Variants in DDX54 observed in about 807,000 individuals in gnomAD.
DDX54 encodes ATP-dependent RNA helicase DDX54.
In DDX54, 67 loss-of-function variants were observed where a neutral mutation model predicts 105.5. The ratio of observed to expected loss-of-function variants is 0.64; its 90% CI spans 0.52 to 0.78. DDX54 has a LOEUF of 0.78. DDX54 is among the 30% of genes least tolerant of loss of function. The pLI is 0.00. For synonymous variants in DDX54, 514 were observed against 509.9 expected (o/e 1.01, Z -0.11); for missense variants, 1,206 against 1,230.5 (o/e 0.98, Z 0.30).
intron 7 of DDX54, among the ~76,000 whole-genome samples, chr12:113,175,469 C>A (rs1465134003): frequency 2.0e-5 from 3 of 152,064 alleles, no homozygotes; most frequent in Non-Finnish European, 4.4e-5. Context: ...ACACCCTAGG[C>A]GAGATCCCAT....
rs775646379 is a variant in DDX54, at chr12:113,169,755, C to G, written c.1414+15G>C. The G allele has an allele frequency of 3.7e-5, 59 of 1,612,638 alleles. No individual in the cohort carries two copies. In the East Asian group the frequency reaches 4.0e-4, roughly 11 times the overall value. ...ACTCCACGGGGACCCCTATCCCCAC[C>G]CAGCCTCCACTCACCTGAGGGCTCC... On this transcript the variant is annotated intron_variant, in intron 12 of 19. Transcript: ENST00000306014.
intron 19 of DDX54, among the ~76,000 whole-genome samples, chr12:113,159,794 A>T (rs1952182464): frequency 6.6e-6 from 1 of 152,064 alleles, no homozygotes; most frequent in African/African-American, 2.4e-5. Flanking sequence ...GGCATCAGGT[A>T]GTCCATTCTT....
At position 113,163,450 on chromosome 12, in the gene DDX54, T is replaced by C. The variant is rs1485365230; in HGVS notation, c.1939-176A>G. Among the ~76,000 whole-genome samples, 1 of 152,118 alleles carries C rather than the reference T, an allele frequency of 6.6e-6. No homozygotes were observed. The highest frequency in any genetic ancestry group is 2.4e-5 in the African/African-American group (1 of 41,432). The stretch of plus-strand genomic sequence containing the variant: ...ACAGTGTCTCCTGTGGGACCCTCAG[T>C]TTCCTCATCTGCACACACAGTGCAA... On this transcript the variant is annotated intron_variant, in intron 15 of 19. Coordinates refer to ENST00000306014, the MANE Select transcript of DDX54 (RefSeq NM_024072.4). The surrounding 1 kb of genome is among the most constrained non-coding windows in gnomAD (Gnocchi z 5.9).
At chr12:113,178,586 A>C in intron 5 of DDX54, 1 of 162,952 alleles carries the variant, frequency 6.1e-6, no homozygotes, top group Non-Finnish European at 1.3e-5. Flanking sequence ...GCTGTCGCCC[A>C]TGTTGGAGTG....
Position 113,164,294 on chromosome 12 carries a change from G to A in DDX54, c.1720-9C>T, listed in dbSNP as rs373252064. The stretch of plus-strand genomic sequence containing the variant: ...TTGATCTCAAAGATAGTCTGTGGAG[G>A]GGACACCCAGTCCTTTGCCCACTGG... On this transcript the variant is annotated splice_polypyrimidine_tract_variant and intron_variant, in intron 14 of 19. Coordinates refer to ENST00000306014, the MANE Select transcript of DDX54 (RefSeq NM_024072.4). 88 of 1,577,604 alleles carry A rather than the reference G, an allele frequency of 5.6e-5. No homozygotes were observed. The highest frequency in any genetic ancestry group is 1.7e-4 in the Middle Eastern group (1 of 5,880).
In DDX54 at chr12:113,157,612, T is replaced by A; in HGVS notation, c.*1265A>T. On this transcript the variant is annotated 3_prime_UTR_variant, in exon 20 of 20. Transcript: ENST00000306014. ...GCTGGGCCCCCCCAGGTGAAGCTGTTCATGCAGGACCTCTCTGCCATGCTG... is the reference window on the plus strand; with the variant it reads ...GCTGGGCCCCCCCAGGTGAAGCTGTACATGCAGGACCTCTCTGCCATGCTG... 1.3e-6 allele frequency: 2 copies of A among 1,551,696 alleles called. No individual in the cohort carries two copies. The highest frequency in any genetic ancestry group is 1.7e-6 in the Non-Finnish European group (2 of 1,146,984).
At position 113,158,817 on chromosome 12, in the gene DDX54, A is replaced by G; in HGVS notation, c.*60T>C. ...GGCCAGGCACACAGTGGTGCACGGG[A>G]ACGTCTGCTGATGCCCACCCTAAGG... is the stretch of plus-strand genomic sequence containing the variant. On this transcript the variant is annotated 3_prime_UTR_variant, in exon 20 of 20. Transcript: ENST00000306014. The surrounding 1 kb of genome is among the most constrained non-coding windows in gnomAD (Gnocchi z 4.9). 1 of 1,511,364 alleles carries G rather than the reference A, an allele frequency of 6.6e-7. No homozygotes were observed. The highest frequency in any genetic ancestry group is 1.3e-5 in the South Asian group (1 of 76,288). 93.6% of individuals were successfully genotyped at this position (1,511,364 alleles called of 1,614,324 possible).
Position 113,157,689 on chromosome 12 carries a change from A to G in DDX54, c.*1188T>C. 6.4e-7 allele frequency: 1 copy of G among 1,550,796 alleles called. No individual in the cohort carries two copies. The highest frequency in any genetic ancestry group is 1.2e-5 in the South Asian group (1 of 84,060). On this transcript the variant is annotated 3_prime_UTR_variant, in exon 20 of 20. Coordinates refer to ENST00000306014, the MANE Select transcript of DDX54 (RefSeq NM_024072.4). ...AGCCCCTGCCTCCTAGCCCTGACAC[A>G]GGTGAGCAGCGGGAGAGGGAACCCC...
Position 113,179,325 on chromosome 12 carries a change from G to C in DDX54, c.382C>G (p.Pro128Ala). 1 of 1,612,804 alleles carries C rather than the reference G, an allele frequency of 6.2e-7. No individual in the cohort carries two copies. Among genetic ancestry groups the C allele is most frequent in the Non-Finnish European group, 8.5e-7 (1 of 1,179,984 alleles). ...ACGTCCTTGCCATCCAAGATCACCG[G>C]GATGGTCTGGAGAGGCACAAGCAGG... is the stretch of plus-strand genomic sequence containing the variant. ...VPTPIQRKTIPVILDGKDVVA... is the reference protein window; with the variant it reads ...VPTPIQRKTIAVILDGKDVVA... The change falls in exon 4 of 20, where the codon CCG becomes GCG. Residue 128 changes from proline (P) to alanine (A), a missense_variant. By Grantham distance (27) the Pro-to-Ala change is conservative (BLOSUM62 -1). Coordinates refer to ENST00000306014, the MANE Select transcript of DDX54 (RefSeq NM_024072.4).
intron 7 of DDX54, among the ~76,000 whole-genome samples, chr12:113,176,504 T>C (rs1347417792): frequency 6.6e-6 from 1 of 151,780 alleles, no homozygotes; most frequent in African/African-American, 2.4e-5. Flanking sequence ...AAGGCGGAGG[T>C]TGAAATGAGC....
chr12:113,158,851 G>A lies in DDX54; in HGVS notation c.*26C>T, dbSNP rs759532674. 11 of 1,566,248 alleles carry A rather than the reference G, an allele frequency of 7.0e-6. No individual in the cohort carries two copies. The highest frequency in any genetic ancestry group is 8.7e-7 in the Non-Finnish European group (1 of 1,150,666). Reference sequence around the variant, plus strand: ...TGATGCCCACCCTAAGGCCAATCAAGGAGCCACGGGGCTGGGTCCTGGTCC... The same window carrying A: ...TGATGCCCACCCTAAGGCCAATCAAAGAGCCACGGGGCTGGGTCCTGGTCC... On this transcript the variant is annotated 3_prime_UTR_variant, in exon 20 of 20. Coordinates refer to ENST00000306014, the MANE Select transcript of DDX54 (RefSeq NM_024072.4). The surrounding 1 kb of genome is among the most constrained non-coding windows in gnomAD (Gnocchi z 4.9).
chr12:113,158,849 A>G lies in DDX54; in HGVS notation c.*28T>C. 1 of 1,565,164 alleles carries G rather than the reference A, an allele frequency of 6.4e-7. No homozygotes were observed. Among genetic ancestry groups the G allele is most frequent in the African/African-American group, 1.4e-5 (1 of 74,064 alleles). On this transcript the variant is annotated 3_prime_UTR_variant, in exon 20 of 20. Coordinates refer to ENST00000306014, the MANE Select transcript of DDX54 (RefSeq NM_024072.4). This position sits in a 1 kb window ranked among gnomAD's most constrained non-coding sequence, Gnocchi z 4.9. The stretch of plus-strand genomic sequence containing the variant: ...GCTGATGCCCACCCTAAGGCCAATC[A>G]AGGAGCCACGGGGCTGGGTCCTGGT...
At position 113,163,823 on chromosome 12, in the gene DDX54, G is replaced by A. The variant is rs901449398; in HGVS notation, c.1938+244C>T. 6.6e-6 allele frequency among the ~76,000 whole-genome samples: 1 copy of A among 152,182 alleles called. No individual in the cohort carries two copies. Among genetic ancestry groups the A allele is most frequent in the Admixed American group, 6.5e-5 (1 of 15,286 alleles). On this transcript the variant is annotated intron_variant, in intron 15 of 19. Coordinates refer to ENST00000306014, the MANE Select transcript of DDX54 (RefSeq NM_024072.4). The surrounding 1 kb of genome is among the most constrained non-coding windows in gnomAD (Gnocchi z 5.9). Reference sequence around the variant, plus strand: ...GAAGCCCTGATGTGTTTGGTGGCTGGTGATGCCCCGGACCCCACTGAGGGT... The same window carrying A: ...GAAGCCCTGATGTGTTTGGTGGCTGATGATGCCCCGGACCCCACTGAGGGT...
intron 14 of DDX54, among the ~76,000 whole-genome samples, chr12:113,164,532 G>A (rs776096864): frequency 6.6e-6 from 1 of 152,050 alleles, no homozygotes; most frequent in Non-Finnish European, 1.5e-5. Flanking sequence ...TGGCCAACAC[G>A]GCGAAACCCC....
chr12:113,176,908 C>T lies in DDX54; in HGVS notation c.684G>A (p.Val228=). The T allele has an allele frequency of 2.5e-6, 4 of 1,614,210 alleles. No homozygotes were observed. The highest frequency in any genetic ancestry group is 3.4e-6 in the Non-Finnish European group (4 of 1,180,036). Residue 228 remains valine, a synonymous_variant, in exon 7 of 20, where the codon GTG becomes GTA. Coordinates refer to ENST00000306014, the MANE Select transcript of DDX54 (RefSeq NM_024072.4). The part of the protein sequence containing the change: ...DIIIATPGRL[V]HVAVEMSLKL... ...TCAGGCTCATTTCCACAGCCACATG[C>T]ACCAACCGTCCGGGCGTGGCAATAA...
intron 10 of DDX54, among the ~76,000 whole-genome samples, chr12:113,173,805 G>A (rs1593004836): frequency 6.6e-6 from 1 of 152,150 alleles, no homozygotes; most frequent in African/African-American, 2.4e-5. Context: ...GCTATCAGCT[G>A]GTAACAGTTG....
intron 5 of DDX54, 163 bp from the exon 6 acceptor site, chr12:113,177,256 C>T: frequency 2.8e-6 from 2 of 707,372 alleles, no homozygotes; most frequent in Non-Finnish European, 4.7e-6. Context: ...AAAGGCATTG[C>T]CCTGACAAGA....
Position 113,162,624 on chromosome 12 carries a change from G to A in DDX54, c.2195+308C>T, listed in dbSNP as rs60343006. ...CTGGGCCTGGAGGGGTGGCTCACTC[G>A]CTCACTCACCCCAGGGAATGGAGGG... On this transcript the variant is annotated intron_variant, in intron 17 of 19. Coordinates refer to ENST00000306014, the MANE Select transcript of DDX54 (RefSeq NM_024072.4). The A allele has an allele frequency of 0.012, 4,262 of 362,480 alleles. 219 individuals carry two copies. In the East Asian group the frequency reaches 0.16, roughly 14 times the overall value. 22.5% of individuals were successfully genotyped at this position (362,480 alleles called of 1,614,324 possible). A position where few individuals can be genotyped will look rare whatever the true frequency, so the allele number is the denominator to read the frequency against.
rs777336128 is a variant in DDX54, at chr12:113,175,094, G to A, written c.816C>T (p.His272=). 2.5e-6 allele frequency: 4 copies of A among 1,613,928 alleles called. No homozygotes were observed. Among genetic ancestry groups the A allele is most frequent in the Middle Eastern group, 1.6e-4 (1 of 6,062 alleles). Residue 272 remains histidine, a synonymous_variant, in exon 8 of 20, where the codon CAC becomes CAT. Transcript: ENST00000306014. The part of the protein sequence containing the change: ...QEIIARLPGG[H]QTVLFSATLP... ...GCGTGGCGGAGAACAGCACCGTCTG[G>A]TGGCCCCCGGGGAGGCGGGCGATGA...
Sources: gnomAD v4.1 joint callset for allele counts (sites outside exome capture counted in the v4.1 genomes callset) on GRCh38, gnomAD v4.1.1 for gene constraint, Gnocchi (gnomAD v3.1) non-coding constraint, MANE v1.5 for transcripts, NCBI Gene and HGNC (gene_info 2026-07-23, HGNC 2026-07-21) for gene names.